The following CHIC2 variants were observed in gnomAD, a reference collection of about 807,000 sequenced individuals.
CHIC2 encodes the protein cysteine rich hydrophobic domain 2, also known as cysteine-rich hydrophobic domain-containing protein 2.
In CHIC2, 14 loss-of-function variants were observed where a neutral mutation model predicts 25.9. That is an observed-to-expected ratio of 0.54 (90% CI 0.36 to 0.85). The LOEUF (loss-of-function observed/expected upper bound fraction) is 0.85, where lower values mean the gene tolerates loss of function less well. Ranked by LOEUF, CHIC2 falls within the 40% of genes least tolerant of loss-of-function variation. CHIC2 has a pLI of 0.01. For synonymous variants in CHIC2, 70 were observed against 72.0 expected (o/e 0.97, Z 0.14); for missense variants, 146 against 202.0 (o/e 0.72, Z 1.68).
chr4:54,074,597 A>AACACACACACACAC, the CHIC2 span, among the ~76,000 whole-genome samples: 8 of 139,716 alleles, frequency 5.7e-5, no homozygotes, highest in African/African-American at 1.8e-4. Flanking sequence ...ACAACACACA[A>AACACACACACACAC]ACACACACAC....
intron 3 of CHIC2, among the ~76,000 whole-genome samples, chr4:54,048,502 A>T (rs1284497181): frequency 6.6e-6 from 1 of 152,212 alleles, no homozygotes; most frequent in Admixed American, 6.5e-5. Context: ...ATTAATTAAT[A>T]CTTATTAACC....
At chr4:54,055,715 G>C (rs1717155333) in intron 1 of CHIC2, among the ~76,000 whole-genome samples, 1 of 152,122 alleles carries the variant, frequency 6.6e-6, no homozygotes, top group South Asian at 2.1e-4. Flanking sequence ...TGAGCTCAAT[G>C]AACTCAAATT....
At chr4:54,018,827 T>C (rs1265172695) in intron 3 of CHIC2, among the ~76,000 whole-genome samples, 1 of 152,048 alleles carries the variant, frequency 6.6e-6, no homozygotes, top group African/African-American at 2.4e-5. Context: ...TTGAATTGGA[T>C]TTATTCATAC....
intron 3 of CHIC2, chr4:54,048,690 C>CA: frequency 4.1e-6 from 1 of 245,380 alleles, no homozygotes; most frequent in Non-Finnish European, 7.7e-6. Flanking sequence ...ATCACTATAC[C>CA]ACACCACTGT....
At chr4:54,044,649 T>C (rs1378981446) in intron 3 of CHIC2, among the ~76,000 whole-genome samples, 2 of 152,008 alleles carry the variant, frequency 1.3e-5, no homozygotes, top group Non-Finnish European at 2.9e-5. Flanking sequence ...TTCAAAGCAG[T>C]GTGTAGAGGG....
Position 54,009,969 on chromosome 4 carries a change from AACAAAAAC to A in CHIC2, c.*118_*125del. On this transcript the variant is annotated 3_prime_UTR_variant, in exon 6 of 6. Transcript: ENST00000263921. The stretch of plus-strand genomic sequence containing the variant: ...TGCGGTTATTTAAAAAAAAAACAAA[AACAAAAAC>A]AAAAAAAACACCACACGATTCTGTA... 5.2e-6 allele frequency: 3 copies of A among 577,260 alleles called. No individual in the cohort carries two copies. The highest frequency in any genetic ancestry group is 3.6e-5 in the Admixed American group (1 of 27,798). 35.8% of individuals were successfully genotyped at this position (577,260 alleles called of 1,614,324 possible). A position where few individuals can be genotyped will look rare whatever the true frequency, so the allele number is the denominator to read the frequency against.
At chr4:54,026,762 C>T (rs1716072159) in intron 3 of CHIC2, among the ~76,000 whole-genome samples, 1 of 152,140 alleles carries the variant, frequency 6.6e-6, no homozygotes, top group Non-Finnish European at 1.5e-5. Context: ...GTTTACTTCT[C>T]TTTCTTGTCT....
chr4:54,027,189 G>A (rs1204574034), intron 3 of CHIC2, among the ~76,000 whole-genome samples: 1 of 152,236 alleles, frequency 6.6e-6, no homozygotes, highest in Non-Finnish European at 1.5e-5. Context: ...TAAAAACTCA[G>A]GTCACAGAAG....
chr4:54,047,765 G>T (rs898127006), intron 3 of CHIC2, among the ~76,000 whole-genome samples: 1 of 151,414 alleles, frequency 6.6e-6, no homozygotes, highest in Non-Finnish European at 1.5e-5. Flanking sequence ...TAACCTGCAC[G>T]TTGTGCACAT....
intron 5 of CHIC2, among the ~76,000 whole-genome samples, chr4:54,012,061 A>AAT (rs200456554): frequency 2.2e-4 from 33 of 151,410 alleles, no homozygotes; most frequent in South Asian, 1.7e-3. Flanking sequence ...AACTATCACA[A>AAT]ATATATATAT....
At chr4:54,086,504 A>G in the CHIC2 span, among the ~76,000 whole-genome samples, 3 of 152,180 alleles carry the variant, frequency 2.0e-5, no homozygotes, top group African/African-American at 7.2e-5. Context: ...AGACATAAAT[A>G]TCCTGCAGGA....
At chr4:54,090,690 G>T in the CHIC2 span, among the ~76,000 whole-genome samples, 1 of 152,128 alleles carries the variant, frequency 6.6e-6, no homozygotes, top group Non-Finnish European at 1.5e-5. Context: ...CAACCATCCT[G>T]TGAGAAGAGG....
intron 1 of CHIC2, chr4:54,060,339 G>A (rs915834804): frequency 3.9e-5 from 6 of 152,160 alleles, no homozygotes; most frequent in African/African-American, 1.4e-4. Flanking sequence ...GAAGGATAAG[G>A]AATTATTTGT....
chr4:54,072,990 C>A, the CHIC2 span, among the ~76,000 whole-genome samples: 15 of 152,166 alleles, frequency 9.9e-5, no homozygotes, highest in African/African-American at 2.9e-4. Flanking sequence ...ATGGCATGAA[C>A]CCAGGAGGCC....
upstream of CHIC2, among the ~76,000 whole-genome samples, chr4:54,067,927 C>T (rs561215901): frequency 6.0e-5 from 9 of 151,142 alleles, no homozygotes; most frequent in East Asian, 2.0e-4. Context: ...TGTCCCCCCC[C>T]CCAAATTCAT....
At chr4:54,062,623 CCTT>C (rs1717372441) in intron 1 of CHIC2, among the ~76,000 whole-genome samples, 1 of 152,152 alleles carries the variant, frequency 6.6e-6, no homozygotes, top group African/African-American at 2.4e-5. Flanking sequence ...CTTTTCTTCT[CCTT>C]AACAGAGGAA....
At chr4:54,058,109 T>C (rs778391459) in intron 1 of CHIC2, among the ~76,000 whole-genome samples, 8 of 152,236 alleles carry the variant, frequency 5.3e-5, no homozygotes, top group East Asian at 1.9e-4. Flanking sequence ...TTCTGAGCTA[T>C]GCTCAGAATC....
chr4:54,057,051 T>C (rs145308510), intron 1 of CHIC2, among the ~76,000 whole-genome samples: 1 of 152,280 alleles, frequency 6.6e-6, no homozygotes, highest in African/African-American at 2.4e-5. Flanking sequence ...TAGCCAGTTA[T>C]TTAACCTCAG....
intron 3 of CHIC2, among the ~76,000 whole-genome samples, chr4:54,018,438 A>G (rs186728618): frequency 6.6e-6 from 1 of 152,298 alleles, no homozygotes; most frequent in South Asian, 2.1e-4. Flanking sequence ...CTTCCAGGAC[A>G]GCAAAGAGCC....
Sources: allele counts gnomAD v4.1 joint callset (sites outside exome capture counted in the v4.1 genomes callset), GRCh38; gene constraint gnomAD v4.1.1; transcripts MANE v1.5; gene names NCBI Gene and HGNC (gene_info 2026-07-23, HGNC 2026-07-21).